The following LEMD1 variants were observed in gnomAD, a reference collection of about 807,000 sequenced individuals.
LEMD1 encodes the protein LEM domain containing 1.
A neutral mutation model predicts 17.4 loss-of-function variants in LEMD1; 18 were observed. The ratio of observed to expected loss-of-function variants is 1.04; its 90% CI spans 0.72 to 1.54. The LOEUF is 1.54. Among genes scored for constraint, LEMD1 ranks in the 40% most tolerant of loss-of-function variants. LEMD1 has a pLI of 0.00. For missense variants in LEMD1, 195 were observed against 210.4 expected (o/e 0.93, Z 0.45); for synonymous variants, 88 against 77.8 (o/e 1.13, Z -0.69).
At position 205,428,378 on chromosome 1, in the gene LEMD1, C is replaced by T. The variant is rs1004309658; in HGVS notation, c.-38-7804G>A. Among the ~76,000 whole-genome samples the T allele has an allele frequency of 2.0e-5, 3 of 152,074 alleles. No individual in the cohort carries two copies. The South Asian group carries it at 6.2e-4, about 32-fold the overall frequency. On this transcript the variant is annotated intron_variant, in intron 1 of 3. Coordinates refer to the LEMD1 transcript ENST00000367154. The stretch of plus-strand genomic sequence containing the variant: ...GGTGCAGGACTGGGTACAGGGATAT[C>T]GTTAGGTTGCAGCAAACCATTCCTT...
chr1:205,396,217 G>T, intron 4 of LEMD1, among the ~76,000 whole-genome samples: 1 of 152,162 alleles, frequency 6.6e-6, no homozygotes, highest in Non-Finnish European at 1.5e-5. Flanking sequence ...GTCTTGCTAT[G>T]TTACCCAGGC....
chr1:205,420,560 T>C lies in LEMD1; in HGVS notation c.-24A>G, dbSNP rs764186538. 2 of 1,563,686 alleles carry C rather than the reference T, an allele frequency of 1.3e-6. No homozygotes were observed. The highest frequency in any genetic ancestry group is 1.7e-5 in the Admixed American group (1 of 59,924). Reference sequence around the variant, plus strand: ...ATGATGATAGAAGTTTGGCCTCTTTTCTGATGGTAGAATCCTTGAAATAAC... The same window carrying C: ...ATGATGATAGAAGTTTGGCCTCTTTCCTGATGGTAGAATCCTTGAAATAAC... On this transcript the variant is annotated 5_prime_UTR_variant, in exon 2 of 6. Coordinates refer to ENST00000367153, the MANE Select transcript of LEMD1 (RefSeq NM_001199050.2).
chr1:205,389,276 T>G (rs11240464), intron 4 of LEMD1, among the ~76,000 whole-genome samples: 25,455 of 151,952 alleles, frequency 0.17, 2,202 homozygotes, highest in Admixed American at 0.21. Flanking sequence ...CTTGAACTCC[T>G]GACCTTAAGT....
At chr1:205,407,429 A>G (rs933993056) in intron 4 of LEMD1, among the ~76,000 whole-genome samples, 3 of 152,116 alleles carry the variant, frequency 2.0e-5, no homozygotes, top group Non-Finnish European at 4.4e-5. Context: ...CTGATAGCCA[A>G]TGATTCAGTC....
chr1:205,388,411 G>A (rs1664151320), intron 4 of LEMD1, among the ~76,000 whole-genome samples: 1 of 152,160 alleles, frequency 6.6e-6, no homozygotes, highest in Non-Finnish European at 1.5e-5. Flanking sequence ...GGATGGCCTT[G>A]ATCTCCTGAC....
At chr1:205,439,338 TA>T (rs1666256613) in intron 1 of LEMD1, among the ~76,000 whole-genome samples, 1 of 152,010 alleles carries the variant, frequency 6.6e-6, no homozygotes, top group Non-Finnish European at 1.5e-5. Flanking sequence ...GGCTAGGAGG[TA>T]GGGGCAAAGG....
At chr1:205,437,424 C>T (rs1286962593) in intron 1 of LEMD1, 1 of 152,312 alleles carries the variant, frequency 6.6e-6, no homozygotes, top group African/African-American at 2.4e-5. Context: ...TCTAGGCCAA[C>T]TGACTTACTC....
At chr1:205,404,797 C>G (rs1049973080) in intron 4 of LEMD1, among the ~76,000 whole-genome samples, 1 of 151,770 alleles carries the variant, frequency 6.6e-6, no homozygotes, top group Non-Finnish European at 1.5e-5. Flanking sequence ...TTCCTAGTCT[C>G]GATGGTCTTT....
chr1:205,408,586 G>A (rs1032328719), intron 4 of LEMD1, among the ~76,000 whole-genome samples: 2 of 147,076 alleles, frequency 1.4e-5, no homozygotes, highest in East Asian at 2.0e-4. Flanking sequence ...CTGCAGCCTC[G>A]ACCTGGGCTC....
chr1:205,387,321 G>T (rs1388466423), intron 4 of LEMD1: 1 of 151,998 alleles, frequency 6.6e-6, no homozygotes. Context: ...TTATTGATTA[G>T]TGTTAATAAA....
intron 1 of LEMD1, among the ~76,000 whole-genome samples, chr1:205,444,254 C>T (rs1197447693): frequency 6.6e-6 from 1 of 152,126 alleles, no homozygotes. Context: ...CCTCCTGCTA[C>T]CACACAGTTG....
intron 1 of LEMD1, among the ~76,000 whole-genome samples, chr1:205,420,974 A>G (rs916376953): frequency 4.0e-5 from 6 of 150,486 alleles, no homozygotes; most frequent in Non-Finnish European, 8.9e-5. Context: ...TTAGTGAGTT[A>G]AATAAAAGTT....
rs61341380 is a variant in LEMD1 at position 205,389,037 on chromosome 1, C to CTTTT, written c.271-4677_271-4674dup. ...AATCACCAAAAAGTACATTTGCTTT[C>CTTTT]TTTTTTTTTTTTTTTTTTTTTTTTT... On this transcript the variant is annotated intron_variant, in intron 4 of 5. Coordinates refer to ENST00000367153, the MANE Select transcript of LEMD1 (RefSeq NM_001199050.2). 2.7e-3 allele frequency among the ~76,000 whole-genome samples: 207 copies of CTTTT among 77,848 alleles called. 8 individuals carry two copies. Among genetic ancestry groups the CTTTT allele is most frequent in the African/African-American group, 3.6e-3 (76 of 21,050 alleles). 51.1% of individuals were successfully genotyped at this position (77,848 alleles called of 152,430 possible). A position where few individuals can be genotyped will look rare whatever the true frequency, so the allele number is the denominator to read the frequency against.
intron 1 of LEMD1, among the ~76,000 whole-genome samples, chr1:205,439,171 C>G (rs1666254346): frequency 6.6e-6 from 1 of 152,214 alleles, no homozygotes; most frequent in South Asian, 2.1e-4. Context: ...CACCCAAGGC[C>G]TCTACTATCC....
chr1:205,442,647 A>G (rs1348529507), intron 1 of LEMD1, among the ~76,000 whole-genome samples: 1 of 152,220 alleles, frequency 6.6e-6, no homozygotes, highest in African/African-American at 2.4e-5. Context: ...CAGGAGGCCC[A>G]GCTTGAGTCA....
Position 205,393,799 on chromosome 1 carries a change from G to A in LEMD1, c.271-9435C>T, listed in dbSNP as rs574476032. Among the ~76,000 whole-genome samples, 20 of 144,638 alleles carry A rather than the reference G, an allele frequency of 1.4e-4. No individual in the cohort carries two copies. The South Asian group carries it at 3.5e-3, about 25-fold the overall frequency. The allele number at this position is 144,638 out of a possible 152,430, so 94.9% of individuals were successfully genotyped here. A position where few individuals can be genotyped will look rare whatever the true frequency, so the allele number is the denominator to read the frequency against. Reference sequence around the variant, plus strand: ...CGGAACACAGTTTGGTACTTTCTCCGAAAGTCAGATATAGAATTATTATAT... The same window carrying A: ...CGGAACACAGTTTGGTACTTTCTCCAAAAGTCAGATATAGAATTATTATAT... On this transcript the variant is annotated intron_variant, in intron 4 of 5. Coordinates refer to ENST00000367153, the MANE Select transcript of LEMD1 (RefSeq NM_001199050.2).
At chr1:205,408,234 GT>G (rs1558724930) in intron 4 of LEMD1, among the ~76,000 whole-genome samples, 3 of 152,104 alleles carry the variant, frequency 2.0e-5, no homozygotes, top group Non-Finnish European at 4.4e-5. Context: ...ATGTAGGAGA[GT>G]GTCCTTTGGT....
intron 4 of LEMD1, among the ~76,000 whole-genome samples, chr1:205,405,525 G>C (rs1003572510): frequency 7.2e-5 from 10 of 139,850 alleles, no homozygotes; most frequent in Non-Finnish European, 1.1e-4. Flanking sequence ...TCTTCAAGTA[G>C]TTCTTGAGCC....
At chr1:205,437,239 A>C (rs1013956051) in intron 1 of LEMD1, 2 of 152,424 alleles carry the variant, frequency 1.3e-5, no homozygotes, top group African/African-American at 4.8e-5. Flanking sequence ...CCCATGGGTT[A>C]CATAACTGGA....
Sources: gnomAD v4.1 joint callset for allele counts (sites outside exome capture counted in the v4.1 genomes callset) on GRCh38, gnomAD v4.1.1 for gene constraint, MANE v1.5 for transcripts, NCBI Gene and HGNC (gene_info 2026-07-23, HGNC 2026-07-21) for gene names.